The following MIA2 variants were observed in gnomAD, a reference collection of about 807,000 sequenced individuals.
The protein encoded by MIA2 is melanoma inhibitory activity protein 2.
In MIA2, 127 loss-of-function variants were observed where a neutral mutation model predicts 167.8. That is an observed-to-expected ratio of 0.76 (90% CI 0.66 to 0.88). The LOEUF (loss-of-function observed/expected upper bound fraction) is 0.88. Among genes scored for constraint, MIA2 ranks in the 40% least tolerant of loss-of-function variants. The pLI is 0.00. For synonymous variants in MIA2, 552 were observed against 541.9 expected, an observed-to-expected ratio of 1.02 and a Z score of -0.26; for missense variants, 1,690 against 1,624.7, an observed-to-expected ratio of 1.04 and a Z score of -0.69.
chr14:39,305,717 C>G (rs1199457363), intron 17 of MIA2, among the ~76,000 whole-genome samples: 1 of 152,188 alleles, frequency 6.6e-6, no homozygotes, highest in Non-Finnish European at 1.5e-5. Flanking sequence ...GGGTGGATCA[C>G]TTGAGCTGGG....
Position 39,234,189 on chromosome 14 carries a change from G to T in MIA2, c.75G>T (p.Leu25=), listed in dbSNP as rs764096285. 1.2e-5 allele frequency: 20 copies of T among 1,609,018 alleles called. 1 individual carries two copies. In the South Asian group the frequency reaches 2.1e-4, roughly 17 times the overall value. The change falls in exon 1 of 29, where the codon CTG becomes CTT. Residue 25 remains leucine, a synonymous_variant. Coordinates refer to ENST00000640607, the MANE Select transcript of MIA2 (RefSeq NM_001329214.4). The part of the protein sequence containing the change: ...SLTKCLESTK[L]LADLKKCGDL... ...CAAAGTGTCTGGAGAGTACAAAACT[G>T]CTGGCAGACCTTAAAAAATGTGGTG... is the stretch of plus-strand genomic sequence containing the variant.
At chr14:39,386,659 C>A (rs367737678) in intron 23 of MIA2, 1 of 1,086,078 alleles carries the variant, frequency 9.2e-7, no homozygotes, top group African/African-American at 1.6e-5. Flanking sequence ...GCTTTTGGTT[C>A]CAGATCAAAG....
At chr14:39,327,147 AAAC>A (rs1362962184) in intron 25 of MIA2, 125 bp downstream of exon 25, 4 of 643,730 alleles carry the variant, frequency 6.2e-6, no homozygotes, top group African/African-American at 1.9e-5. Context: ...ACATTTTTGA[AAAC>A]AACAATGATA....
intron 9 of MIA2, among the ~76,000 whole-genome samples, chr14:39,290,135 G>A (rs1030443578): frequency 6.6e-6 from 1 of 152,154 alleles, no homozygotes; most frequent in African/African-American, 2.4e-5. Context: ...TGACTTGGCA[G>A]GTCCTGAACT....
chr14:39,386,915 C>G (rs771616489), exon 24 of MIA2: 1 of 780,604 alleles, frequency 1.3e-6, no homozygotes, highest in South Asian at 1.4e-5. Context: ...GCAGGAGCCC[C>G]GGCTTCAGGT....
chr14:39,320,042 T>C (rs531054066), intron 23 of MIA2, among the ~76,000 whole-genome samples: 178 of 152,208 alleles, frequency 1.2e-3, no homozygotes, highest in Middle Eastern at 3.4e-3. Flanking sequence ...TTAAAAAATA[T>C]TAGATTATTA....
intron 13 of MIA2, among the ~76,000 whole-genome samples, chr14:39,298,305 A>C (rs1035432843): frequency 6.6e-6 from 1 of 151,060 alleles, no homozygotes; most frequent in Admixed American, 6.6e-5. Flanking sequence ...AATACTGTAT[A>C]CTGTGTACTT....
chr14:39,269,138 A>G (rs2056660426), intron 6 of MIA2: 2 of 797,886 alleles, frequency 2.5e-6, no homozygotes, highest in Non-Finnish European at 3.0e-6. Flanking sequence ...CTAGGATGGC[A>G]CAACATTGTT....
At chr14:39,341,597 C>T (rs895131934) in intron 25 of MIA2, among the ~76,000 whole-genome samples, 2 of 152,028 alleles carry the variant, frequency 1.3e-5, no homozygotes, top group African/African-American at 2.4e-5. Context: ...CCAGTTGTTT[C>T]AATTTTCTTG....
At chr14:39,256,176 C>G (rs1416651730) in intron 6 of MIA2, among the ~76,000 whole-genome samples, 2 of 152,184 alleles carry the variant, frequency 1.3e-5, no homozygotes, top group African/African-American at 2.4e-5. Context: ...TAGACATGGA[C>G]TCTCCATTTT....
chr14:39,327,051 C>A, intron 25 of MIA2, 29 bp downstream of exon 25: 1 of 1,424,290 alleles, frequency 7.0e-7, no homozygotes. Flanking sequence ...TATTATTTCT[C>A]TTTGAAAGGC....
chr14:39,320,088 G>A (rs917150922), intron 23 of MIA2, among the ~76,000 whole-genome samples: 1 of 139,130 alleles, frequency 7.2e-6, no homozygotes, highest in East Asian at 1.9e-4. Context: ...GGATTGGGGT[G>A]AAGTATATAG....
Position 39,279,818 on chromosome 14 carries a change from C to T in MIA2, c.2130+281C>T, listed in dbSNP as rs946120814. On this transcript the variant is annotated intron_variant, in intron 9 of 28. Coordinates refer to ENST00000640607, the MANE Select transcript of MIA2 (RefSeq NM_001329214.4). The stretch of plus-strand genomic sequence containing the variant: ...CATGTGCACATTTCTGGTATCTGTT[C>T]GTGTATCCAAATGTTCTCTTTTCGT... Among the ~76,000 whole-genome samples the T allele has an allele frequency of 3.1e-4, 47 of 152,266 alleles. 1 individual carries two copies. The highest frequency in any genetic ancestry group is 3.4e-3 in the Middle Eastern group (1 of 294).
In MIA2 at chr14:39,253,416, C is replaced by T. The variant is rs1021937905; in HGVS notation, c.1887+245C>T. 1.7e-5 allele frequency: 9 copies of T among 533,628 alleles called. No homozygotes were observed. The Admixed American group carries it at 1.9e-4, about 11-fold the overall frequency. The allele number at this position is 533,628 out of a possible 1,614,324, so 33.1% of individuals were successfully genotyped here. ...TGAGCGGTGTTTGCTTTTTACTCCACCCTCCCCATTTTTCAAATTAGGGAA... is the reference window on the plus strand; with the variant it reads ...TGAGCGGTGTTTGCTTTTTACTCCATCCTCCCCATTTTTCAAATTAGGGAA... On this transcript the variant is annotated intron_variant, in intron 6 of 28. Coordinates refer to ENST00000640607, the MANE Select transcript of MIA2 (RefSeq NM_001329214.4).
intron 3 of MIA2, among the ~76,000 whole-genome samples, chr14:39,243,904 C>G (rs137947575): frequency 9.3e-4 from 142 of 152,266 alleles, no homozygotes; most frequent in African/African-American, 3.3e-3. Flanking sequence ...CCCGAAGATA[C>G]AGAGGAAACT....
At chr14:39,240,803 A>T (rs2054002838) in intron 3 of MIA2, among the ~76,000 whole-genome samples, 156 bp downstream of exon 3, 1 of 152,236 alleles carries the variant, frequency 6.6e-6, no homozygotes, top group Admixed American at 6.5e-5. Flanking sequence ...TGAATATTTG[A>T]ATAAAATTAA....
At chr14:39,320,897 G>T in intron 23 of MIA2, 31 bp from the exon 24 acceptor site, 1 of 1,603,236 alleles carries the variant, frequency 6.2e-7, no homozygotes, top group Non-Finnish European at 8.5e-7. Context: ...GTGAAACTAT[G>T]AATTTAAATA....
chr14:39,359,992 G>GTTTTTTTTTTTTT (rs58076493), intron 23 of MIA2, among the ~76,000 whole-genome samples: 6 of 128,818 alleles, frequency 4.7e-5, no homozygotes, highest in Non-Finnish European at 6.7e-5. Flanking sequence ...TCTGCAGCAT[G>GTTTTTTTTTTTTT]TTTTTTTTTT....
In MIA2 at chr14:39,282,819, C is replaced by T. The variant is rs142956221; in HGVS notation, c.2130+3282C>T. ...AACTCCCTGGCTCAGGTGATCCTCT[C>T]GCCTCAGCCTCCCAAATTGTTGGGA... On this transcript the variant is annotated intron_variant, in intron 9 of 28. Transcript: ENST00000640607. Among the ~76,000 whole-genome samples, 765 of 152,294 alleles carry T rather than the reference C, an allele frequency of 5.0e-3. 8 individuals are homozygous for T. The highest frequency in any genetic ancestry group is 0.017 in the African/African-American group (709 of 41,556).
Sources: gnomAD v4.1 joint callset for allele counts (sites outside exome capture counted in the v4.1 genomes callset) on GRCh38, gnomAD v4.1.1 for gene constraint, MANE v1.5 for transcripts, NCBI Gene and HGNC (gene_info 2026-07-23, HGNC 2026-07-21) for gene names.